Variants in NACC2 observed in about 807,000 individuals in gnomAD.
NACC2 encodes the protein nucleus accumbens-associated protein 2.
A neutral mutation model predicts 25.1 loss-of-function variants in NACC2; 8 were observed. That is an observed-to-expected ratio of 0.32 (90% CI 0.19 to 0.57). NACC2 has a LOEUF of 0.57. Among genes scored for constraint, NACC2 ranks in the 20% least tolerant of loss-of-function variants. The pLI is 0.89. For missense variants in NACC2, 644 were observed against 650.2 expected, an observed-to-expected ratio of 0.99 and a Z score of 0.10; for synonymous variants, 435 against 294.7, an observed-to-expected ratio of 1.48 and a Z score of -4.88.
intron 1 of NACC2, among the ~76,000 whole-genome samples, chr9:136,081,076 G>A (rs1830318775): frequency 6.6e-6 from 1 of 152,160 alleles, no homozygotes; most frequent in Non-Finnish European, 1.5e-5. Context: ...ACGAACGGCT[G>A]CGGGGAGAAG....
At position 136,077,438 on chromosome 9, in the gene NACC2, C is replaced by T. The variant is rs1156565242; in HGVS notation, c.-60+17751G>A. Among the ~76,000 whole-genome samples the T allele has an allele frequency of 3.9e-5, 6 of 152,174 alleles. No homozygotes were observed. In the East Asian group the frequency reaches 5.8e-4, roughly 15 times the overall value. On this transcript the variant is annotated intron_variant, in intron 1 of 5. Transcript: ENST00000277554. ...GGCACAAAGGACATTGTTGATAAGT[C>T]GTGCTTCATTAAAATATTGAAAAAT...
chr9:136,016,534 C>T, intron 2 of NACC2, 105 bp from the exon 3 acceptor site: 2 of 1,379,736 alleles, frequency 1.4e-6, no homozygotes, highest in Non-Finnish European at 2.0e-6. Flanking sequence ...GTTAGACCCA[C>T]TCTGCCCACC....
chr9:136,057,418 C>T (rs1453284737), intron 1 of NACC2, among the ~76,000 whole-genome samples: 2 of 152,180 alleles, frequency 1.3e-5, no homozygotes, highest in Non-Finnish European at 2.9e-5. Flanking sequence ...GCCCCAGATC[C>T]GCCCTATGGC....
chr9:136,065,763 C>T (rs1841071629), intron 1 of NACC2, among the ~76,000 whole-genome samples: 2 of 151,434 alleles, frequency 1.3e-5, no homozygotes, highest in Non-Finnish European at 2.9e-5. Context: ...GGGCTGGAGC[C>T]GTGATCACGC....
intron 1 of NACC2, among the ~76,000 whole-genome samples, chr9:136,063,995 A>G (rs1292720739): frequency 1.3e-5 from 2 of 152,100 alleles, no homozygotes; most frequent in African/African-American, 4.8e-5. Context: ...CCCAGAATAT[A>G]ATGAAACTGT....
intron 1 of NACC2, among the ~76,000 whole-genome samples, chr9:136,059,776 T>C (rs1020250456): frequency 2.0e-5 from 3 of 152,130 alleles, no homozygotes; most frequent in Non-Finnish European, 4.4e-5. Flanking sequence ...TGTGTGTGTA[T>C]CCGTGTGGCC....
chr9:136,048,081 G>T (rs1353509968), intron 2 of NACC2, among the ~76,000 whole-genome samples: 1 of 152,278 alleles, frequency 6.6e-6, no homozygotes, highest in East Asian at 1.9e-4. Context: ...CTGTCTGGCT[G>T]CCATTGTCGG....
chr9:136,090,022 A>G (rs1410365902), intron 1 of NACC2, among the ~76,000 whole-genome samples: 1 of 152,170 alleles, frequency 6.6e-6, no homozygotes, highest in East Asian at 1.9e-4. Flanking sequence ...AACAAAAAGT[A>G]TCAATATACA....
chr9:136,024,240 A>T (rs1200197008), intron 2 of NACC2, among the ~76,000 whole-genome samples: 2 of 16,590 alleles, frequency 1.2e-4, no homozygotes, highest in Non-Finnish European at 2.4e-4. Context: ...GGTGTGTGTG[A>T]GGACAGAGGG....
chr9:136,016,046 G>A (rs949548632), intron 3 of NACC2, among the ~76,000 whole-genome samples: 1 of 152,088 alleles, frequency 6.6e-6, no homozygotes, highest in Non-Finnish European at 1.5e-5. Flanking sequence ...CTGCCAATCA[G>A]GAATGCGACC....
In NACC2 at chr9:136,007,498, CACAT is replaced by C. The variant is rs1840037395; in HGVS notation, c.*4014_*4017del. 6.6e-6 allele frequency: 1 copy of C among 151,044 alleles called. No homozygotes were observed. The highest frequency in any genetic ancestry group is 2.1e-4 in the South Asian group (1 of 4,792). The allele number at this position is 151,044 out of a possible 1,614,324, so 9.4% of individuals were successfully genotyped here. A position where few individuals can be genotyped will look rare whatever the true frequency, so the allele number is the denominator to read the frequency against. On this transcript the variant is annotated 3_prime_UTR_variant, in exon 6 of 6. Transcript: ENST00000277554. ...ACAGACGCACACACGCACAGACACACACATGCACAGACGCGCACACACAGACGCA... is the reference window on the plus strand; with the variant it reads ...ACAGACGCACACACGCACAGACACACGCACAGACGCGCACACACAGACGCA...
At chr9:136,024,392 G>GGTGT (rs1375003060) in intron 2 of NACC2, among the ~76,000 whole-genome samples, 3 of 105,476 alleles carry the variant, frequency 2.8e-5, no homozygotes, top group Admixed American at 2.0e-4. Flanking sequence ...GAGGACAGAG[G>GGTGT]GTGTGTGAGG....
chr9:136,064,265 G>A lies in NACC2; in HGVS notation c.-59-13685C>T, dbSNP rs144481834. Among the ~76,000 whole-genome samples, 6 of 152,284 alleles carry A rather than the reference G, an allele frequency of 3.9e-5. No individual in the cohort carries two copies. In the South Asian group the frequency reaches 1.0e-3, roughly 26 times the overall value. ...GACTGCACTACTGCACTCCAGCCTGGGTGACAGAGTGAGGCCCTGCCTCAA... is the reference window on the plus strand; with the variant it reads ...GACTGCACTACTGCACTCCAGCCTGAGTGACAGAGTGAGGCCCTGCCTCAA... On this transcript the variant is annotated intron_variant, in intron 1 of 5. Transcript: ENST00000277554.
At chr9:136,041,100 A>AAAGGAAGGAAGG (rs1346657549) in intron 2 of NACC2, among the ~76,000 whole-genome samples, 3 of 151,544 alleles carry the variant, frequency 2.0e-5, no homozygotes, top group African/African-American at 7.3e-5. Context: ...AAAGGAAAGG[A>AAAGGAAGGAAGG]AAGGAAGGAA....
intron 1 of NACC2, among the ~76,000 whole-genome samples, chr9:136,079,228 G>A (rs1830296444): frequency 6.6e-6 from 1 of 152,194 alleles, no homozygotes; most frequent in Non-Finnish European, 1.5e-5. Flanking sequence ...GGTGGGAACT[G>A]CACTCTCTGA....
intron 2 of NACC2, among the ~76,000 whole-genome samples, chr9:136,041,742 C>G (rs1347585232): frequency 6.6e-6 from 1 of 152,134 alleles, no homozygotes; most frequent in Non-Finnish European, 1.5e-5. Context: ...AACAGATGAA[C>G]AGTATGGCGT....
chr9:136,050,844 C>G (rs1156274531), intron 1 of NACC2, among the ~76,000 whole-genome samples: 2 of 152,160 alleles, frequency 1.3e-5, no homozygotes, highest in Non-Finnish European at 2.9e-5. Flanking sequence ...CCACGCCACT[C>G]CCAGGGGGCT....
rs549037622 is a variant in NACC2, at chr9:136,011,347, A to G, written c.*169T>C. ...GGCCTAATTGTTTACAGTATAATGA[A>G]TGCATTTGTTTCCTTCATCAATTTT... On this transcript the variant is annotated 3_prime_UTR_variant, in exon 6 of 6. Transcript: ENST00000277554. The G allele has an allele frequency of 2.0e-5, 15 of 741,520 alleles. No individual in the cohort carries two copies. In the East Asian group the frequency reaches 4.3e-4, roughly 21 times the overall value. The allele number at this position is 741,520 out of a possible 1,614,324, so 45.9% of individuals were successfully genotyped here. A position where few individuals can be genotyped will look rare whatever the true frequency, so the allele number is the denominator to read the frequency against.
At position 136,027,217 on chromosome 9, in the gene NACC2, T is replaced by C. The variant is rs1336981138; in HGVS notation, c.887-10788A>G. Among the ~76,000 whole-genome samples, 3 of 152,306 alleles carry C rather than the reference T, an allele frequency of 2.0e-5. No individual in the cohort carries two copies. In the East Asian group the frequency reaches 5.8e-4, roughly 29 times the overall value. Reference sequence around the variant, plus strand: ...TCCAGCCTGGACGATGGAGCAAGACTCTGTCTCAAAACAAACAAAAAAAAT... The same window carrying C: ...TCCAGCCTGGACGATGGAGCAAGACCCTGTCTCAAAACAAACAAAAAAAAT... On this transcript the variant is annotated intron_variant, in intron 2 of 5. Coordinates refer to ENST00000277554, the MANE Select transcript of NACC2 (RefSeq NM_144653.5).
Sources: gnomAD v4.1 joint callset for allele counts (sites outside exome capture counted in the v4.1 genomes callset) on GRCh38, gnomAD v4.1.1 for gene constraint, MANE v1.5 for transcripts, NCBI Gene and HGNC (gene_info 2026-07-23, HGNC 2026-07-21) for gene names.